Variants in SLC16A10 observed in about 807,000 individuals in gnomAD.
The protein encoded by SLC16A10 is monocarboxylate transporter 10.
In SLC16A10, 27 loss-of-function variants were observed where a neutral mutation model predicts 40.0. The ratio of observed to expected loss-of-function variants is 0.67; its 90% CI spans 0.50 to 0.93. The LOEUF is 0.93. Ranked by LOEUF, SLC16A10 falls within the 40% of genes least tolerant of loss-of-function variation. The pLI is 0.00. For missense variants in SLC16A10, 529 were observed against 658.2 expected, an observed-to-expected ratio of 0.80 and a Z score of 2.15; for synonymous variants, 213 against 249.8, an observed-to-expected ratio of 0.85 and a Z score of 1.39.
chr6:111,207,341 A>G (rs981196006), intron 4 of SLC16A10, among the ~76,000 whole-genome samples: 7 of 152,256 alleles, frequency 4.6e-5, no homozygotes, highest in Admixed American at 3.3e-4. Context: ...TGCCCTTTGC[A>G]TGTCTTATGA....
At chr6:111,146,041 A>G (rs1265465813) in intron 1 of SLC16A10, among the ~76,000 whole-genome samples, 1 of 152,232 alleles carries the variant, frequency 6.6e-6, no homozygotes. Flanking sequence ...ATGGGAGATA[A>G]TTTTTTGCAA....
chr6:111,179,980 G>A (rs1281078799), intron 3 of SLC16A10, among the ~76,000 whole-genome samples: 1 of 152,168 alleles, frequency 6.6e-6, no homozygotes, highest in Non-Finnish European at 1.5e-5. Context: ...TCCTTATACA[G>A]GGAAAAGGTG....
At chr6:111,167,616 C>T (rs1772499761) in intron 1 of SLC16A10, among the ~76,000 whole-genome samples, 1 of 126,098 alleles carries the variant, frequency 7.9e-6, no homozygotes, top group Non-Finnish European at 1.7e-5. Flanking sequence ...GACTAGGGCT[C>T]GATTGTTATT....
In SLC16A10 at chr6:111,229,904, G is replaced by A. The variant is rs1199177259; in HGVS notation, c.*7669G>A. The A allele has an allele frequency of 1.3e-5, 2 of 151,400 alleles. No individual in the cohort carries two copies. Among genetic ancestry groups the A allele is most frequent in the African/African-American group, 2.4e-5 (1 of 41,184 alleles). 9.4% of individuals were successfully genotyped at this position (151,400 alleles called of 1,614,324 possible). On this transcript the variant is annotated 3_prime_UTR_variant, in exon 6 of 6. Coordinates refer to ENST00000368851, the MANE Select transcript of SLC16A10 (RefSeq NM_018593.5). ...GCAGGCGGATTGCTTGAGGCCAGGAGTTCGAGACATACGGGTCTCTTTAAT... is the reference window on the plus strand; with the variant it reads ...GCAGGCGGATTGCTTGAGGCCAGGAATTCGAGACATACGGGTCTCTTTAAT...
intron 1 of SLC16A10, among the ~76,000 whole-genome samples, chr6:111,172,286 A>T (rs1772599670): frequency 6.6e-6 from 1 of 152,202 alleles, no homozygotes; most frequent in Admixed American, 6.5e-5. Context: ...GGACTTACAG[A>T]CTTGATTTCC....
At chr6:111,124,250 A>C (rs1391783917) in intron 1 of SLC16A10, among the ~76,000 whole-genome samples, 1 of 152,144 alleles carries the variant, frequency 6.6e-6, no homozygotes, top group Non-Finnish European at 1.5e-5. Context: ...GTTAGGACCA[A>C]ACCAAATTAT....
chr6:111,180,399 A>T (rs940486109), intron 3 of SLC16A10, among the ~76,000 whole-genome samples: 8 of 152,164 alleles, frequency 5.3e-5, no homozygotes, highest in African/African-American at 1.7e-4. Flanking sequence ...ATTTAAAAAA[A>T]TTATCTGGGC....
chr6:111,184,161 A>G (rs1013226028), intron 3 of SLC16A10, among the ~76,000 whole-genome samples: 1 of 152,164 alleles, frequency 6.6e-6, no homozygotes, highest in Non-Finnish European at 1.5e-5. Flanking sequence ...AAAATCAGCT[A>G]CTTAGTACCT....
chr6:111,173,870 C>A (rs1454550400), intron 2 of SLC16A10, among the ~76,000 whole-genome samples: 1 of 152,168 alleles, frequency 6.6e-6, no homozygotes, highest in Non-Finnish European at 1.5e-5. Context: ...AAATGTAATG[C>A]ACTTGAATCA....
intron 1 of SLC16A10, among the ~76,000 whole-genome samples, chr6:111,139,458 C>T (rs1215513738): frequency 6.6e-6 from 1 of 152,106 alleles, no homozygotes; most frequent in African/African-American, 2.4e-5. Context: ...CGTGCCACCA[C>T]ATCCAGCTAA....
intron 1 of SLC16A10, among the ~76,000 whole-genome samples, chr6:111,102,955 A>G (rs996720315): frequency 2.6e-5 from 4 of 152,170 alleles, no homozygotes; most frequent in Non-Finnish European, 5.9e-5. Flanking sequence ...ATGCTGGAGT[A>G]CATACGGTTG....
intron 1 of SLC16A10, among the ~76,000 whole-genome samples, chr6:111,131,528 CTT>C (rs1225233035): frequency 6.6e-6 from 1 of 152,164 alleles, no homozygotes; most frequent in Admixed American, 6.5e-5. Flanking sequence ...TATGGGACCA[CTT>C]TTGCTTGCTG....
rs879866029 is a variant in SLC16A10 at position 111,230,404 on chromosome 6, G to A, written c.*8169G>A. The A allele has an allele frequency of 2.6e-5, 4 of 152,176 alleles. No homozygotes were observed. Among genetic ancestry groups the A allele is most frequent in the African/African-American group, 4.8e-5 (2 of 41,436 alleles). 9.4% of individuals were successfully genotyped at this position (152,176 alleles called of 1,614,324 possible). Reference sequence around the variant, plus strand: ...TCATTTTCCTAATTAGAAAGACTATGCATTCACAATCCAGTACACTGGATT... The same window carrying A: ...TCATTTTCCTAATTAGAAAGACTATACATTCACAATCCAGTACACTGGATT... On this transcript the variant is annotated 3_prime_UTR_variant, in exon 6 of 6. Transcript: ENST00000368851.
Position 111,227,944 on chromosome 6 carries a change from G to T in SLC16A10, c.*5709G>T, listed in dbSNP as rs1771032356. The stretch of plus-strand genomic sequence containing the variant: ...TGATTCTGGGATTAAAAAGCAAGGG[G>T]GGTGCAAATTGTTAGTGGGGTCAAA... On this transcript the variant is annotated 3_prime_UTR_variant, in exon 6 of 6. Transcript: ENST00000368851. 6.6e-6 allele frequency: 1 copy of T among 152,080 alleles called. No homozygotes were observed. The highest frequency in any genetic ancestry group is 6.6e-5 in the Admixed American group (1 of 15,260). The allele number at this position is 152,080 out of a possible 1,614,324, so 9.4% of individuals were successfully genotyped here.
chr6:111,157,340 A>G (rs1337395360), intron 1 of SLC16A10, among the ~76,000 whole-genome samples: 2 of 149,290 alleles, frequency 1.3e-5, no homozygotes, highest in Admixed American at 1.3e-4. Flanking sequence ...CTGGAGTGCA[A>G]TGGCATGATC....
chr6:111,177,789 T>G, intron 3 of SLC16A10, 124 bp downstream of exon 3: 1 of 853,210 alleles, frequency 1.2e-6, no homozygotes, highest in Non-Finnish European at 1.7e-6. Flanking sequence ...TTTGGTATTC[T>G]TGAAATGAAA....
chr6:111,229,010 CAA>C lies in SLC16A10; in HGVS notation c.*6776_*6777del, dbSNP rs1771058268. ...CACCATAGCACTCCAGCCTGGGCAA[CAA>C]GAGCAAAACTCTGTCTCAAAAAAAA... On this transcript the variant is annotated 3_prime_UTR_variant, in exon 6 of 6. Coordinates refer to ENST00000368851, the MANE Select transcript of SLC16A10 (RefSeq NM_018593.5). 1.0e-5 allele frequency: 1 copy of C among 98,264 alleles called. No homozygotes were observed. 6.1% of individuals were successfully genotyped at this position (98,264 alleles called of 1,614,324 possible). A position where few individuals can be genotyped will look rare whatever the true frequency, so the allele number is the denominator to read the frequency against.
chr6:111,123,840 GA>G (rs1771624678), intron 1 of SLC16A10, among the ~76,000 whole-genome samples: 1 of 151,914 alleles, frequency 6.6e-6, no homozygotes, highest in African/African-American at 2.4e-5. Context: ...ATATTCATCA[GA>G]AAAAAAAGTA....
At chr6:111,111,601 A>G (rs1475217050) in intron 1 of SLC16A10, among the ~76,000 whole-genome samples, 1 of 152,176 alleles carries the variant, frequency 6.6e-6, no homozygotes, top group African/African-American at 2.4e-5. Context: ...AATTTCTTGA[A>G]TTTATTTTTC....
Sources: allele counts gnomAD v4.1 joint callset (sites outside exome capture counted in the v4.1 genomes callset), GRCh38; gene constraint gnomAD v4.1.1; transcripts MANE v1.5; gene names NCBI Gene and HGNC (gene_info 2026-07-23, HGNC 2026-07-21).